TLE6: variants seen among roughly 807,000 people sequenced by gnomAD.
The protein encoded by TLE6 is TLE family member 6, subcortical maternal complex member, also known as transducin-like enhancer protein 6.
A neutral mutation model predicts 77.1 loss-of-function variants in TLE6; 72 were observed. The observed-to-expected ratio is 0.93, with a 90% CI of 0.77 to 1.14. The LOEUF (loss-of-function observed/expected upper bound fraction) is 1.14, where lower values mean the gene tolerates loss of function less well. TLE6 is among the 50% of genes most tolerant of loss of function. The pLI is 0.00. For missense variants in TLE6, 843 were observed against 747.6 expected, an observed-to-expected ratio of 1.13 and a Z score of -1.49; for synonymous variants, 366 against 287.3, an observed-to-expected ratio of 1.27 and a Z score of -2.77.
chr19:2,988,813 A>AT (rs1489651912), intron 11 of TLE6: 2 of 580,584 alleles, frequency 3.4e-6, no homozygotes, highest in Non-Finnish European at 3.0e-6. Flanking sequence ...TAAAGGATGA[A>AT]TAGGAGTTCT....
At chr19:2,993,951 G>A in intron 15 of TLE6, 68 bp from the exon 16 acceptor site, 1 of 1,286,798 alleles carries the variant, frequency 7.8e-7, no homozygotes, top group African/African-American at 1.5e-5. Flanking sequence ...AAGGTGGGTG[G>A]GGAGGATGAA....
At chr19:2,981,741 C>T (rs2088801955) in intron 4 of TLE6, among the ~76,000 whole-genome samples, 158 bp downstream of exon 4, 1 of 151,926 alleles carries the variant, frequency 6.6e-6, no homozygotes, top group Non-Finnish European at 1.5e-5. Context: ...GAGGGCGAGG[C>T]AGGTGGATCA....
intron 13 of TLE6, 128 bp from the exon 14 acceptor site, chr19:2,991,715 T>C: frequency 1.2e-6 from 1 of 842,584 alleles, no homozygotes; most frequent in Non-Finnish European, 1.8e-6. Context: ...ACTTTGACAC[T>C]CTGTGCAGGC....
intron 2 of TLE6, among the ~76,000 whole-genome samples, chr19:2,978,734 G>C (rs558096327): frequency 3.9e-5 from 6 of 152,148 alleles, no homozygotes; most frequent in Non-Finnish European, 8.8e-5. Flanking sequence ...TCCATCCTTG[G>C]TGACAGTGAG....
In TLE6 at chr19:2,987,921, T is replaced by A. The variant is rs1183988210; in HGVS notation, c.649T>A (p.Ser217Thr). 6.2e-7 allele frequency: 1 copy of A among 1,610,160 alleles called. No individual in the cohort carries two copies. The highest frequency in any genetic ancestry group is 8.5e-7 in the Non-Finnish European group (1 of 1,177,458). The change falls in exon 10 of 17, where the codon TCC (serine) becomes ACC (threonine). Residue 217 changes from serine (S) to threonine (T), a missense_variant. By Grantham distance (58) the Ser-to-Thr change is moderately conservative (BLOSUM62 1). Transcript: ENST00000246112. ...AGCCCCCAGGCCACCTGAGGCCTCC[T>A]CCAGTCCCCCTGAGGGTTCCCAAGA... ...ASTPRPPEAS[S>T]SPPEGSQDRN...
At position 2,992,793 on chromosome 19, in the gene TLE6, A is replaced by AACGGGGGGGGGGGGGG. The variant is rs1487334518; in HGVS notation, c.1387-639_1387-638insACGGGGGGGGGGGGGG. Among the ~76,000 whole-genome samples, 2 of 19,760 alleles carry AACGGGGGGGGGGGGGG rather than the reference A, an allele frequency of 1.0e-4. 1 individual carries two copies. Among genetic ancestry groups the AACGGGGGGGGGGGGGG allele is most frequent in the African/African-American group, 5.2e-4 (2 of 3,876 alleles). The allele number at this position is 19,760 out of a possible 152,430, so 13.0% of individuals were successfully genotyped here. ...AGACCCTGTCTCAAAAAAAAAAAAA[A>AACGGGGGGGGGGGGGG]GGGGGGGAGGCGGGTGGGGGGGGGG... On this transcript the variant is annotated intron_variant, in intron 14 of 16. Transcript: ENST00000246112.
rs755177066 is a variant in TLE6, at chr19:2,987,201, C to T, written c.504C>T (p.Ala168=). The change falls in exon 7 of 17, where the codon GCC becomes GCT. Residue 168 remains alanine (A), a synonymous_variant. Transcript: ENST00000246112. ...CCGAGCAACTCTGGCGGATTTTTGC[C>T]GGCGTCCACGATGAGAAGGCAAAGC... ...TLTEQLWRIF[A]GVHDEKAKPR... 73 of 1,614,080 alleles carry T rather than the reference C, an allele frequency of 4.5e-5. No homozygotes were observed. The Middle Eastern group carries it at 9.9e-4, about 22-fold the overall frequency.
chr19:2,989,261 T>G lies in TLE6; in HGVS notation c.941T>G (p.Leu314Arg). Residue 314 changes from leucine (L) to arginine (R), a missense_variant, in exon 12 of 17, where the codon CTG becomes CGG. By Grantham distance (102) the Leu-to-Arg change is moderately radical. Coordinates refer to ENST00000246112, the MANE Select transcript of TLE6 (RefSeq NM_001143986.2). ...AGAAGAGGCATCAAGGTGTGGAGCC[T>G]GACTGGACAGGTGGCTGAGGACAGG... ...CGRRGIKVWS[L>R]TGQVAEDRFP... 1.2e-6 allele frequency: 2 copies of G among 1,613,784 alleles called. No homozygotes were observed. The highest frequency in any genetic ancestry group is 1.7e-6 in the Non-Finnish European group (2 of 1,180,028).
At chr19:2,991,375 CGT>C (rs1491410785) in intron 13 of TLE6, among the ~76,000 whole-genome samples, 3 of 52,860 alleles carry the variant, frequency 5.7e-5, no homozygotes, top group Admixed American at 1.9e-4. Flanking sequence ...AAAAAAAATA[CGT>C]ATATATATAT....
intron 2 of TLE6, among the ~76,000 whole-genome samples, 180 bp downstream of exon 2, chr19:2,978,464 T>A (rs2088725312): frequency 6.6e-6 from 1 of 152,090 alleles, no homozygotes. Flanking sequence ...AAAAATTAAG[T>A]GTAGGCTGGA....
intron 8 of TLE6, 23 bp from the exon 9 acceptor site, chr19:2,987,701 G>C (rs2088946995): frequency 6.2e-7 from 1 of 1,613,920 alleles, no homozygotes; most frequent in African/African-American, 1.3e-5. Context: ...CAGCAGGCCT[G>C]ATGAGACTTT....
At chr19:2,989,000 G>A (rs1217297980) in intron 11 of TLE6, 61 bp from the exon 12 acceptor site, 105 of 1,594,030 alleles carry the variant, frequency 6.6e-5, no homozygotes, top group Non-Finnish European at 8.7e-5. Flanking sequence ...TTGATGTGTG[G>A]CTCCCACTGG....
chr19:2,986,980 C>T lies in TLE6; in HGVS notation c.286-3C>T, dbSNP rs749143996. On this transcript the variant is annotated splice_region_variant and splice_polypyrimidine_tract_variant and intron_variant, in intron 6 of 16. Coordinates refer to ENST00000246112, the MANE Select transcript of TLE6 (RefSeq NM_001143986.2). Reference sequence around the variant, plus strand: ...TCTCACTGCCTTGTTCCTGCCGGGCCAGGTCTCACCTGCTGAACCAGCCAG... The same window carrying T: ...TCTCACTGCCTTGTTCCTGCCGGGCTAGGTCTCACCTGCTGAACCAGCCAG... The T allele has an allele frequency of 6.2e-7, 1 of 1,608,126 alleles. No individual in the cohort carries two copies.
intron 5 of TLE6, among the ~76,000 whole-genome samples, chr19:2,982,813 G>A (rs903172441): frequency 1.2e-4 from 18 of 152,140 alleles, no homozygotes; most frequent in Admixed American, 5.2e-4. Flanking sequence ...CTGGGCCCCT[G>A]CGCAACCTAG....
rs34438430 is a variant in TLE6 at position 2,994,109 on chromosome 19, C to CT, written c.1614+15dup. The CT allele has an allele frequency of 0.82, 1,306,211 of 1,593,058 alleles. 542,380 individuals carry two copies. The highest frequency in any genetic ancestry group is 0.97 in the East Asian group (42,723 of 44,256). On this transcript the variant is annotated intron_variant, in intron 16 of 16. Transcript: ENST00000246112. ...AAAGTGTTCGAGGTACTGCGGTGGG[C>CT]TGGGGGCAGGACCCGGGGGTGGCCC...
At chr19:2,988,379 G>A (rs1236276358) in intron 11 of TLE6, among the ~76,000 whole-genome samples, 1 of 152,110 alleles carries the variant, frequency 6.6e-6, no homozygotes, top group Non-Finnish European at 1.5e-5. Context: ...GGCAGATCAC[G>A]AGGTCAGGAG....
At chr19:2,983,290 C>T (rs962105499) in intron 5 of TLE6, among the ~76,000 whole-genome samples, 2 of 152,106 alleles carry the variant, frequency 1.3e-5, no homozygotes, top group South Asian at 2.1e-4. Flanking sequence ...GCAGAGCTTC[C>T]CACCCTTGGG....
At chr19:2,982,411 G>A (rs1442727501) in intron 5 of TLE6, among the ~76,000 whole-genome samples, 3 of 151,878 alleles carry the variant, frequency 2.0e-5, no homozygotes, top group Admixed American at 6.6e-5. Flanking sequence ...GGTGGCGGGC[G>A]CCTGTAGTCC....
At chr19:2,992,897 A>G (rs576021146) in intron 14 of TLE6, among the ~76,000 whole-genome samples, 1 of 149,992 alleles carries the variant, frequency 6.7e-6, no homozygotes, top group East Asian at 2.0e-4. Context: ...CATTAGAAAT[A>G]TTCTTTGCAG....
Sources: gnomAD v4.1 joint callset for allele counts (sites outside exome capture counted in the v4.1 genomes callset) on GRCh38, gnomAD v4.1.1 for gene constraint, MANE v1.5 for transcripts, NCBI Gene and HGNC (gene_info 2026-07-23, HGNC 2026-07-21) for gene names.